ZNF473: variants seen among roughly 807,000 people sequenced by gnomAD.
ZNF473 encodes zinc finger protein 473.
A neutral mutation model predicts 11.1 loss-of-function variants in ZNF473; 4 were observed. That is an observed-to-expected ratio of 0.36 (90% CI 0.18 to 0.82). The LOEUF (loss-of-function observed/expected upper bound fraction) is 0.82, where lower values mean the gene tolerates loss of function less well. Ranked by LOEUF, ZNF473 falls within the 40% of genes least tolerant of loss-of-function variation. The probability of loss-of-function intolerance (pLI) is 0.49; values close to 1 mark genes in which losing one functional copy is unlikely to be tolerated. For missense variants in ZNF473, 854 were observed against 1,084.0 expected (o/e 0.79, Z 2.98); for synonymous variants, 404 against 390.4 (o/e 1.03, Z -0.41).
intron 1 of ZNF473, among the ~76,000 whole-genome samples, chr19:50,026,416 T>C (rs1361222887): frequency 6.6e-6 from 1 of 151,990 alleles, no homozygotes; most frequent in African/African-American, 2.4e-5. Flanking sequence ...TTGAGCGTGG[T>C]GGCGGGGGCC....
In ZNF473 at chr19:50,046,046, A is replaced by G. The variant is rs1286361644; in HGVS notation, c.1603A>G (p.Ser535Gly). The G allele has an allele frequency of 6.2e-7, 1 of 1,614,092 alleles. No homozygotes were observed. Among genetic ancestry groups the G allele is most frequent in the African/African-American group, 1.3e-5 (1 of 74,928 alleles). ...CGGCTCAACCCTGAAGTGCCACGAG[A>G]GTGTTCACGCCAGAGAAAAACAAGG... ...ICGSTLKCHESVHAREKQGFF... is the reference protein window; with the variant it reads ...ICGSTLKCHEGVHAREKQGFF... The change falls in exon 5 of 5, where the codon AGT becomes GGT. Residue 535 changes from serine (S) to glycine (G), a missense_variant. This residue lies in a region of ZNF473 where 668 missense variants were observed against 790.2 expected (regional missense o/e 0.85). Coordinates refer to ENST00000270617, the MANE Select transcript of ZNF473 (RefSeq NM_015428.4). The surrounding 1 kb of genome is among the most constrained non-coding windows in gnomAD (Gnocchi z 5.9).
chr19:50,046,205 G>A lies in ZNF473; in HGVS notation c.1762G>A (p.Val588Met), dbSNP rs117757975. 39,857 of 1,614,174 alleles carry A rather than the reference G, an allele frequency of 0.025. 610 individuals are homozygous for A. The highest frequency in any genetic ancestry group is 0.041 in the Middle Eastern group (251 of 6,062). Residue 588 changes from valine to methionine, a missense_variant, in exon 5 of 5, where the codon GTG becomes ATG. By Grantham distance (21) the Val-to-Met change is conservative. This residue lies in a region of ZNF473 where 668 missense variants were observed against 790.2 expected (regional missense o/e 0.85). Coordinates refer to ENST00000270617, the MANE Select transcript of ZNF473 (RefSeq NM_015428.4). This position sits in a 1 kb window ranked among gnomAD's most constrained non-coding sequence, Gnocchi z 5.9. ...TQHERIHTRG[V>M]KPFECDQCGK... ...GCACGAGAGGATTCACACCAGGGGA[G>A]TGAAGCCCTTTGAATGTGACCAGTG...
Position 50,046,394 on chromosome 19 carries a change from T to C in ZNF473, c.1951T>C (p.Cys651Arg). The change falls in exon 5 of 5, where the codon TGC (cysteine) becomes CGC (arginine). Residue 651 changes from cysteine (C) to arginine (R), a missense_variant. Around this residue, in one of 2 missense-constraint regions of ZNF473, gnomAD observed 186 missense variants for 293.8 expected, o/e 0.63. Coordinates refer to ENST00000270617, the MANE Select transcript of ZNF473 (RefSeq NM_015428.4). The surrounding 1 kb of genome is among the most constrained non-coding windows in gnomAD (Gnocchi z 5.9). ...TKEHPFKCNECGKTFSHSAHL... is the reference protein window; with the variant it reads ...TKEHPFKCNERGKTFSHSAHL... ...GGAGCACCCTTTTAAATGTAACGAA[T>C]GCGGAAAGACCTTCAGCCACAGTGC... 1 of 1,614,172 alleles carries C rather than the reference T, an allele frequency of 6.2e-7. No homozygotes were observed. The highest frequency in any genetic ancestry group is 1.1e-5 in the South Asian group (1 of 91,076).
At chr19:50,037,000 C>T (rs1190729590) in intron 2 of ZNF473, among the ~76,000 whole-genome samples, 1 of 152,188 alleles carries the variant, frequency 6.6e-6, no homozygotes, top group Non-Finnish European at 1.5e-5. Flanking sequence ...GATAATCCTG[C>T]CTCAAAGAGG....
rs766709358 is a variant in ZNF473 at position 50,046,762 on chromosome 19, TTC to T, written c.2321_2322del (p.Ser774TyrfsTer16). 2.5e-6 allele frequency: 4 copies of T among 1,614,058 alleles called. No individual in the cohort carries two copies. In the African/African-American group the frequency reaches 5.3e-5, roughly 22 times the overall value. ...AAGCCTTCACCCAGAGCTCATGCCTTTCTATTCACCGGAGAGTTCACACTGGG... is the reference window on the plus strand; with the variant it reads ...AAGCCTTCACCCAGAGCTCATGCCTTTATTCACCGGAGAGTTCACACTGGG... ...GKAFTQSSCL[S>X]IHRRVHTGEK... On this transcript the variant is annotated frameshift_variant, in exon 5 of 5. Transcript: ENST00000270617. LOFTEE classifies it low-confidence loss of function (END_TRUNC). This position sits in a 1 kb window ranked among gnomAD's most constrained non-coding sequence, Gnocchi z 5.9.
rs764160714 is a variant in ZNF473 at position 50,039,275 on chromosome 19, C to G, written c.124C>G (p.Leu42Val). ...WDTALDNCQD[L>V]FLLDPPRPNL... is the part of the protein sequence containing the mutation. ...CACAGCGTTGGACAATTGCCAGGAC[C>G]TCTTCCTGCTGGGTGAGTGTTGCCT... The change falls in exon 3 of 5, where the codon CTC becomes GTC. Residue 42 changes from leucine (L) to valine (V), a missense_variant. Transcript: ENST00000270617. This position sits in a 1 kb window ranked among gnomAD's most constrained non-coding sequence, Gnocchi z 4.8. The G allele has an allele frequency of 5.6e-6, 9 of 1,613,970 alleles. No homozygotes were observed. In the South Asian group the frequency reaches 8.8e-5, roughly 16 times the overall value.
At chr19:50,028,841 T>C (rs1247140899) in intron 1 of ZNF473, among the ~76,000 whole-genome samples, 2 of 152,266 alleles carry the variant, frequency 1.3e-5, no homozygotes, top group African/African-American at 4.8e-5. Context: ...AACTGAGTTA[T>C]ACTCGTAGGT....
intron 3 of ZNF473, among the ~76,000 whole-genome samples, chr19:50,040,128 C>T (rs1487275564): frequency 6.6e-6 from 1 of 152,184 alleles, no homozygotes. Context: ...CAGGACTCAT[C>T]CTGTAGTCAG....
chr19:50,033,099 C>G (rs955078718), intron 2 of ZNF473, among the ~76,000 whole-genome samples: 2 of 152,096 alleles, frequency 1.3e-5, no homozygotes, highest in Non-Finnish European at 2.9e-5. Context: ...CAGTTCAACC[C>G]ATACCACACA....
chr19:50,038,287 A>G (rs1039024774), intron 2 of ZNF473, among the ~76,000 whole-genome samples: 1 of 151,118 alleles, frequency 6.6e-6, no homozygotes, highest in South Asian at 2.1e-4. Context: ...TAACTAGGAA[A>G]GTCTTAAAAT....
At position 50,030,942 on chromosome 19, in the gene ZNF473, C is replaced by G; in HGVS notation, c.-141C>G. The G allele has an allele frequency of 8.0e-7, 1 of 1,257,182 alleles. No individual in the cohort carries two copies. Among genetic ancestry groups the G allele is most frequent in the Non-Finnish European group, 1.1e-6 (1 of 884,266 alleles). The allele number at this position is 1,257,182 out of a possible 1,614,324, so 77.9% of individuals were successfully genotyped here. On this transcript the variant is annotated 5_prime_UTR_variant, in exon 2 of 5. Coordinates refer to ENST00000270617, the MANE Select transcript of ZNF473 (RefSeq NM_015428.4). Reference sequence around the variant, plus strand: ...CCTCCTCCTGGACATTTTGGGGGCTCGTCAGCATGGACAGCGAGTCAGCCA... The same window carrying G: ...CCTCCTCCTGGACATTTTGGGGGCTGGTCAGCATGGACAGCGAGTCAGCCA...
Position 50,044,550 on chromosome 19 carries a change from A to T in ZNF473, c.227-120A>T, listed in dbSNP as rs1412854319. Reference sequence around the variant, plus strand: ...CTGTTTTCTGTGATGCCAGTTCCACATGGGTCACCCCTTTGGGTCCCTTGA... The same window carrying T: ...CTGTTTTCTGTGATGCCAGTTCCACTTGGGTCACCCCTTTGGGTCCCTTGA... On this transcript the variant is annotated intron_variant, in intron 4 of 4. Transcript: ENST00000270617. The T allele has an allele frequency of 5.1e-6, 4 of 778,970 alleles. No homozygotes were observed. In the African/African-American group the frequency reaches 6.9e-5, roughly 14 times the overall value. The allele number at this position is 778,970 out of a possible 1,614,324, so 48.3% of individuals were successfully genotyped here.
intron 2 of ZNF473, among the ~76,000 whole-genome samples, chr19:50,037,535 A>T (rs971859558): frequency 1.3e-5 from 2 of 152,046 alleles, no homozygotes; most frequent in Non-Finnish European, 2.9e-5. Context: ...AACATCCATT[A>T]ACTGTCCAGG....
At chr19:50,033,141 C>T (rs2080750752) in intron 2 of ZNF473, among the ~76,000 whole-genome samples, 1 of 152,116 alleles carries the variant, frequency 6.6e-6, no homozygotes, top group African/African-American at 2.4e-5. Flanking sequence ...CCATAGAATG[C>T]AGGCAGTATT....
At position 50,046,468 on chromosome 19, in the gene ZNF473, A is replaced by G; in HGVS notation, c.2025A>G (p.Lys675=). The G allele has an allele frequency of 6.2e-7, 1 of 1,614,228 alleles. No individual in the cohort carries two copies. Among genetic ancestry groups the G allele is most frequent in the Non-Finnish European group, 8.5e-7 (1 of 1,180,038 alleles). ...QLIHAGENPF[K]CSKCDRVFTQ... Reference sequence around the variant, plus strand: ...TTCACGCTGGAGAGAATCCCTTTAAATGTAGTAAGTGTGACAGAGTCTTCA... The same window carrying G: ...TTCACGCTGGAGAGAATCCCTTTAAGTGTAGTAAGTGTGACAGAGTCTTCA... The change falls in exon 5 of 5, where the codon AAA becomes AAG. Residue 675 remains lysine, a synonymous_variant. Transcript: ENST00000270617. This position sits in a 1 kb window ranked among gnomAD's most constrained non-coding sequence, Gnocchi z 5.9.
At chr19:50,041,996 T>C in intron 4 of ZNF473, 177 bp downstream of exon 4, 1 of 506,398 alleles carries the variant, frequency 2.0e-6, no homozygotes, top group Non-Finnish European at 3.5e-6. Flanking sequence ...GATCAGGACA[T>C]TTTTATAGAC....
At chr19:50,026,748 G>A (rs1455870399) in intron 1 of ZNF473, among the ~76,000 whole-genome samples, 1 of 151,982 alleles carries the variant, frequency 6.6e-6, no homozygotes, top group Non-Finnish European at 1.5e-5. Context: ...GGCCGAGGTG[G>A]GAGGATTGCT....
At chr19:50,040,540 C>T (rs1769004873) in intron 3 of ZNF473, 1 of 152,352 alleles carries the variant, frequency 6.6e-6, no homozygotes, top group Non-Finnish European at 1.5e-5. Flanking sequence ...GCAGGCTTTT[C>T]CCAGGAGAGC....
intron 2 of ZNF473, among the ~76,000 whole-genome samples, chr19:50,034,332 T>C (rs1269398264): frequency 6.6e-6 from 1 of 152,258 alleles, no homozygotes; most frequent in Non-Finnish European, 1.5e-5. Flanking sequence ...TCCCTGCTTC[T>C]GCCCTTCTCA....
Sources: allele counts gnomAD v4.1 joint callset (sites outside exome capture counted in the v4.1 genomes callset), GRCh38; gene constraint gnomAD v4.1.1; regional missense constraint gnomAD v4.1.1; non-coding constraint Gnocchi (gnomAD v3.1); transcripts MANE v1.5; gene names NCBI Gene and HGNC (gene_info 2026-07-23, HGNC 2026-07-21).